Variants in DOCK5 observed in about 807,000 individuals in gnomAD.
DOCK5 encodes the protein dedicator of cytokinesis protein 5.
DOCK5 carries 142 observed loss-of-function variants against 251.8 expected under a neutral mutation model. The observed-to-expected ratio is 0.56, with a 90% CI of 0.49 to 0.65. DOCK5 has a LOEUF of 0.65. DOCK5 is among the 30% of genes least tolerant of loss of function. DOCK5 has a pLI of 0.00. For missense variants in DOCK5, 2,111 were observed against 2,312.3 expected, an observed-to-expected ratio of 0.91 and a Z score of 1.79; for synonymous variants, 842 against 835.5, an observed-to-expected ratio of 1.01 and a Z score of -0.13.
At chr8:25,251,623 T>TA (rs1366808242) in intron 2 of DOCK5, among the ~76,000 whole-genome samples, 1 of 152,200 alleles carries the variant, frequency 6.6e-6, no homozygotes, top group Non-Finnish European at 1.5e-5. Flanking sequence ...TGGGCAGTGT[T>TA]ATGACAGGTA....
At chr8:25,356,309 A>G (rs73562320) in intron 27 of DOCK5, among the ~76,000 whole-genome samples, 1,924 of 152,360 alleles carry the variant, frequency 0.013, 36 homozygotes, top group African/African-American at 0.044. Flanking sequence ...GATTATATGA[A>G]CATTTCATTA....
chr8:25,322,481 G>T (rs1485326819), intron 16 of DOCK5, among the ~76,000 whole-genome samples: 1 of 152,148 alleles, frequency 6.6e-6, no homozygotes, highest in Non-Finnish European at 1.5e-5. Flanking sequence ...AGCAATAATA[G>T]TATCAGGTTG....
chr8:25,292,220 G>A, intron 6 of DOCK5, 48 bp downstream of exon 6: 1 of 1,504,864 alleles, frequency 6.6e-7, no homozygotes, highest in Non-Finnish European at 8.9e-7. Flanking sequence ...GCGAACAGTG[G>A]GCATGTTCAC....
At chr8:25,386,081 C>G (rs1586384948) in intron 40 of DOCK5, among the ~76,000 whole-genome samples, 1 of 152,160 alleles carries the variant, frequency 6.6e-6, no homozygotes, top group African/African-American at 2.4e-5. Context: ...CCAGGGCTTT[C>G]TAAAGTGTTT....
chr8:25,252,231 A>C lies in DOCK5; in HGVS notation c.127+8474A>C, dbSNP rs546261511. ...TACTTGTTTCTTTCTCTACTTGGTCATCCATGCACAGTGGTCAGAAGCCAA... is the reference window on the plus strand; with the variant it reads ...TACTTGTTTCTTTCTCTACTTGGTCCTCCATGCACAGTGGTCAGAAGCCAA... On this transcript the variant is annotated intron_variant, in intron 2 of 51. Coordinates refer to ENST00000276440, the MANE Select transcript of DOCK5 (RefSeq NM_024940.8). Among the ~76,000 whole-genome samples, 10 of 152,176 alleles carry C rather than the reference A, an allele frequency of 6.6e-5. No individual in the cohort carries two copies. In the South Asian group the frequency reaches 2.1e-3, roughly 32 times the overall value.
chr8:25,363,814 C>T (rs563496371), intron 29 of DOCK5, among the ~76,000 whole-genome samples: 16 of 152,242 alleles, frequency 1.1e-4, no homozygotes, highest in Non-Finnish European at 2.2e-4. Flanking sequence ...GCAGTGCCTT[C>T]CCCATAACCT....
At chr8:25,264,612 G>C (rs1357747368) in intron 2 of DOCK5, among the ~76,000 whole-genome samples, 1 of 151,716 alleles carries the variant, frequency 6.6e-6, no homozygotes, top group Non-Finnish European at 1.5e-5. Context: ...GATCAATTGA[G>C]GTCAGGAGTT....
chr8:25,377,418 A>T lies in DOCK5; in HGVS notation c.3930A>T (p.Lys1310Asn). ...AAGAAATCATATCATATTTCGACAAAGGCAAAGTGAGTATTGGATTGTTTT... is the reference window on the plus strand; with the variant it reads ...AAGAAATCATATCATATTTCGACAATGGCAAAGTGAGTATTGGATTGTTTT... ...LYQEIISYFD[K>N]GKMWEKAIKL... The change falls in exon 38 of 52, where the codon AAA (lysine) becomes AAT (asparagine). Residue 1310 changes from lysine to asparagine, a missense_variant. Physicochemically the swap from Lys to Asn is moderately conservative, Grantham distance 94. Around this residue, in one of 3 missense-constraint regions of DOCK5, gnomAD observed 1,717 missense variants for 1,892.4 expected, o/e 0.91. Coordinates refer to ENST00000276440, the MANE Select transcript of DOCK5 (RefSeq NM_024940.8). The T allele has an allele frequency of 6.2e-7, 1 of 1,613,380 alleles. No homozygotes were observed. Among genetic ancestry groups the T allele is most frequent in the Non-Finnish European group, 8.5e-7 (1 of 1,179,586 alleles).
rs770913175 is a variant in DOCK5 at position 25,363,080 on chromosome 8, G to T, written c.2983G>T (p.Asp995Tyr). ...CATGGAAACTTTTATCATGTTCAAG[G>T]ACCTGATTGGAAAGAATGTCTATGC... Reference protein sequence around the residue: ...FLMETFIMFKDLIGKNVYAKD... With the variant: ...FLMETFIMFKYLIGKNVYAKD... Residue 995 changes from aspartate to tyrosine, a missense_variant, in exon 29 of 52, where the codon GAC becomes TAC. Coordinates refer to ENST00000276440, the MANE Select transcript of DOCK5 (RefSeq NM_024940.8). 2 of 1,613,980 alleles carry T rather than the reference G, an allele frequency of 1.2e-6. No homozygotes were observed. The highest frequency in any genetic ancestry group is 1.7e-6 in the Non-Finnish European group (2 of 1,179,888).
intron 10 of DOCK5, among the ~76,000 whole-genome samples, chr8:25,303,016 C>T (rs947835535): frequency 3.3e-5 from 5 of 152,082 alleles, no homozygotes; most frequent in Non-Finnish European, 7.3e-5. Context: ...TGTGAATACA[C>T]GTAATGCCAC....
chr8:25,329,835 GA>G (rs1251150382), intron 18 of DOCK5, among the ~76,000 whole-genome samples: 1 of 151,988 alleles, frequency 6.6e-6, no homozygotes, highest in Non-Finnish European at 1.5e-5. Context: ...TATACAGCGA[GA>G]AAAAAAATTA....
intron 7 of DOCK5, among the ~76,000 whole-genome samples, 194 bp downstream of exon 7, chr8:25,296,842 T>C (rs960419229): frequency 1.4e-4 from 22 of 152,106 alleles, no homozygotes; most frequent in Non-Finnish European, 2.5e-4. Context: ...ATCGCAAAGA[T>C]ACGTATTAAG....
intron 49 of DOCK5, among the ~76,000 whole-genome samples, 165 bp from the exon 50 acceptor site, chr8:25,408,637 G>A (rs951907118): frequency 2.6e-5 from 4 of 152,166 alleles, no homozygotes; most frequent in Admixed American, 6.5e-5. Context: ...AGTGGTTCTA[G>A]TCAGTGCCTG....
intron 1 of DOCK5, among the ~76,000 whole-genome samples, chr8:25,239,332 T>TGC (rs1802883168): frequency 2.5e-5 from 3 of 118,998 alleles, no homozygotes; most frequent in African/African-American, 1.0e-4. Context: ...TGTGTGTGTG[T>TGC]GTGTGTGTAT....
chr8:25,292,570 G>C (rs1437796398), intron 6 of DOCK5, among the ~76,000 whole-genome samples: 1 of 152,090 alleles, frequency 6.6e-6, no homozygotes, highest in Non-Finnish European at 1.5e-5. Flanking sequence ...ACAACATAGC[G>C]AGGCCCCATC....
At position 25,372,095 on chromosome 8, in the gene DOCK5, G is replaced by A. The variant is rs376702828; in HGVS notation, c.3525-464G>A. Among the ~76,000 whole-genome samples, 5 of 152,186 alleles carry A rather than the reference G, an allele frequency of 3.3e-5. No individual in the cohort carries two copies. The East Asian group carries it at 7.7e-4, about 23-fold the overall frequency. On this transcript the variant is annotated intron_variant, in intron 34 of 51. Transcript: ENST00000276440. ...GTTCCTCTAGGCTGGGCATCCATAC[G>A]AGGCATTCCAGAATGTTCAGAGGAT... is the stretch of plus-strand genomic sequence containing the variant.
chr8:25,187,955 C>T (rs902687984), intron 1 of DOCK5, among the ~76,000 whole-genome samples: 1 of 152,184 alleles, frequency 6.6e-6, no homozygotes, highest in African/African-American at 2.4e-5. Context: ...CTCGCAGTTC[C>T]TGGACTGTGC....
intron 1 of DOCK5, among the ~76,000 whole-genome samples, chr8:25,229,692 A>G (rs938396286): frequency 2.6e-5 from 4 of 152,168 alleles, no homozygotes; most frequent in Non-Finnish European, 5.9e-5. Context: ...GAAGGAAAAT[A>G]TATCAGAGGG....
chr8:25,232,765 G>A (rs891811973), intron 1 of DOCK5, among the ~76,000 whole-genome samples: 3 of 151,978 alleles, frequency 2.0e-5, no homozygotes, highest in African/African-American at 7.3e-5. Context: ...AACATTTAGG[G>A]GTACAGGAGA....
Sources: allele counts gnomAD v4.1 joint callset (sites outside exome capture counted in the v4.1 genomes callset), GRCh38; gene constraint gnomAD v4.1.1; regional missense constraint gnomAD v4.1.1; transcripts MANE v1.5; gene names NCBI Gene and HGNC (gene_info 2026-07-23, HGNC 2026-07-21).